The following CHD1 variants were observed in gnomAD, a reference collection of about 807,000 sequenced individuals.
The protein encoded by CHD1 is ATP-dependent chromatin remodeler CHD1.
A neutral mutation model predicts 224.2 loss-of-function variants in CHD1; 36 were observed. The ratio of observed to expected loss-of-function variants is 0.16; its 90% CI spans 0.12 to 0.21. CHD1 has a LOEUF of 0.21. Ranked by LOEUF, CHD1 falls within the 10% of genes least tolerant of loss-of-function variation. CHD1 has a pLI of 1.00. For missense variants in CHD1, 1,378 were observed against 1,994.8 expected (o/e 0.69, Z 5.89); for synonymous variants, 668 against 658.3 (o/e 1.01, Z -0.23).
At chr5:98,862,332 A>T (rs1748541761) in intron 32 of CHD1, among the ~76,000 whole-genome samples, 1 of 152,188 alleles carries the variant, frequency 6.6e-6, no homozygotes, top group Non-Finnish European at 1.5e-5. Flanking sequence ...TGAGAACCAA[A>T]CAGGGGAAAA....
intron 2 of CHD1, among the ~76,000 whole-genome samples, chr5:98,924,556 A>C (rs903342412): frequency 2.0e-5 from 3 of 152,172 alleles, no homozygotes; most frequent in African/African-American, 7.2e-5. Flanking sequence ...CTAGACCAAT[A>C]CTTGTTCAAG....
intron 22 of CHD1, 43 bp from the exon 23 acceptor site, chr5:98,879,771 T>C: frequency 3.5e-6 from 5 of 1,424,004 alleles, no homozygotes; most frequent in Non-Finnish European, 3.8e-6. Context: ...TACAGAAAAA[T>C]TGATCCCTAA....
In CHD1 at chr5:98,923,950, C is replaced by A. The variant is rs373663439; in HGVS notation, c.53+2384G>T. On this transcript the variant is annotated intron_variant, in intron 2 of 35. Coordinates refer to ENST00000614616, the MANE Select transcript of CHD1 (RefSeq NM_001270.4). Reference sequence around the variant, plus strand: ...ATTTCTACCTACTAACCATTCCATTCCAACTATGAATAAGAAAATGTGAGG... The same window carrying A: ...ATTTCTACCTACTAACCATTCCATTACAACTATGAATAAGAAAATGTGAGG... 8.5e-5 allele frequency among the ~76,000 whole-genome samples: 13 copies of A among 152,240 alleles called. No homozygotes were observed. In the East Asian group the frequency reaches 2.5e-3, roughly 29 times the overall value.
chr5:98,879,890 G>A (rs531785272), intron 22 of CHD1, among the ~76,000 whole-genome samples, 162 bp from the exon 23 acceptor site: 1 of 152,104 alleles, frequency 6.6e-6, no homozygotes, highest in Non-Finnish European at 1.5e-5. Flanking sequence ...CTTCATTAGG[G>A]CAAAGCAGAT....
intron 35 of CHD1, 49 bp downstream of exon 35, chr5:98,858,128 TAAG>T: frequency 7.1e-7 from 1 of 1,404,914 alleles, no homozygotes; most frequent in Non-Finnish European, 1.0e-6. Flanking sequence ...AACATCATGA[TAAG>T]GAGAAAAACA....
intron 24 of CHD1, 57 bp from the exon 25 acceptor site, chr5:98,875,170 G>A (rs767425146): frequency 5.2e-5 from 49 of 948,760 alleles, no homozygotes; most frequent in Non-Finnish European, 6.9e-5. Context: ...AAAATTATAC[G>A]TATTTCTGAT....
intron 13 of CHD1, among the ~76,000 whole-genome samples, chr5:98,894,046 GTC>G (rs1751193186): frequency 6.6e-6 from 1 of 152,146 alleles, no homozygotes; most frequent in Admixed American, 6.5e-5. Context: ...TTAAACTTAG[GTC>G]TCTGAGTTAG....
intron 12 of CHD1, 57 bp downstream of exon 12, chr5:98,896,169 A>C: frequency 2.8e-6 from 4 of 1,440,320 alleles, no homozygotes; most frequent in Non-Finnish European, 3.9e-6. Flanking sequence ...CAACAAAAAC[A>C]CTTGATCTCA....
intron 7 of CHD1, 69 bp downstream of exon 7, chr5:98,900,742 G>A: frequency 7.2e-7 from 1 of 1,386,688 alleles, no homozygotes; most frequent in African/African-American, 1.4e-5. Flanking sequence ...GCGACCCACT[G>A]TGCCCAGCCC....
chr5:98,925,038 A>G (rs1234716834), intron 2 of CHD1, among the ~76,000 whole-genome samples: 3 of 151,942 alleles, frequency 2.0e-5, no homozygotes, highest in African/African-American at 7.2e-5. Flanking sequence ...ACCACTATTT[A>G]GTTTTCTATC....
intron 2 of CHD1, among the ~76,000 whole-genome samples, chr5:98,925,604 A>T (rs1321567335): frequency 6.6e-6 from 1 of 152,206 alleles, no homozygotes. Context: ...TAATGTGCAG[A>T]TAACTCAAAA....
intron 2 of CHD1, among the ~76,000 whole-genome samples, chr5:98,909,687 TTTTA>T (rs1752267315): frequency 2.0e-5 from 3 of 152,120 alleles, no homozygotes. Context: ...AGAAAAGGGG[TTTTA>T]TTTCTTTTCC....
intron 23 of CHD1, among the ~76,000 whole-genome samples, chr5:98,877,262 G>T (rs1489411804): frequency 1.3e-5 from 2 of 152,162 alleles, no homozygotes; most frequent in Non-Finnish European, 2.9e-5. Flanking sequence ...TAAAAATGGG[G>T]TTGTAGAATA....
intron 22 of CHD1, 40 bp downstream of exon 22, chr5:98,881,036 C>G: frequency 8.8e-7 from 1 of 1,138,744 alleles, no homozygotes; most frequent in Non-Finnish European, 1.3e-6. Context: ...CAATTCCTCT[C>G]AATTTATGTA....
intron 1 of CHD1, among the ~76,000 whole-genome samples, chr5:98,928,078 C>G (rs936279949): frequency 6.6e-6 from 1 of 152,128 alleles, no homozygotes; most frequent in East Asian, 1.9e-4. Context: ...GACCTGCCCC[C>G]CTCTCCCAGG....
intron 24 of CHD1, 67 bp downstream of exon 24, chr5:98,876,331 C>T (rs1454101210): frequency 4.8e-6 from 7 of 1,470,680 alleles, no homozygotes; most frequent in African/African-American, 4.2e-5. Context: ...AAAATTACGG[C>T]GTTTTTACAT....
chr5:98,867,705 G>T (rs1748988187), intron 31 of CHD1, among the ~76,000 whole-genome samples: 1 of 150,894 alleles, frequency 6.6e-6, no homozygotes, highest in Non-Finnish European at 1.5e-5. Context: ...TTTCCGAGTT[G>T]CTTCTAAATT....
At chr5:98,907,264 T>C (rs1752103354) in intron 2 of CHD1, among the ~76,000 whole-genome samples, 1 of 152,182 alleles carries the variant, frequency 6.6e-6, no homozygotes, top group Non-Finnish European at 1.5e-5. Context: ...AAGTATTTAT[T>C]TTATTGAGTT....
chr5:98,904,847 C>T, intron 3 of CHD1, 50 bp downstream of exon 3: 1 of 1,526,270 alleles, frequency 6.6e-7, no homozygotes, highest in Non-Finnish European at 9.1e-7. Context: ...TCTAAATTTT[C>T]CCAAAGTAAT....
Sources: gnomAD v4.1 joint callset for allele counts (sites outside exome capture counted in the v4.1 genomes callset) on GRCh38, gnomAD v4.1.1 for gene constraint, MANE v1.5 for transcripts, NCBI Gene and HGNC (gene_info 2026-07-23, HGNC 2026-07-21) for gene names.